ERC2: variants seen among roughly 807,000 people sequenced by gnomAD.
ERC2 encodes the protein ELKS/RAB6-interacting/CAST family member 2, also known as ERC protein 2.
ERC2 carries 42 observed loss-of-function variants against 114.8 expected under a neutral mutation model. The observed-to-expected ratio is 0.37, with a 90% CI of 0.29 to 0.47. ERC2 has a LOEUF of 0.47. Ranked by LOEUF, ERC2 falls within the 20% of genes least tolerant of loss-of-function variation. The pLI is 0.99. For missense variants in ERC2, 939 were observed against 1,150.7 expected, an observed-to-expected ratio of 0.82 and a Z score of 2.66; for synonymous variants, 454 against 425.5, an observed-to-expected ratio of 1.07 and a Z score of -0.82.
chr3:56,133,220 T>C (rs1285976661), intron 6 of ERC2, among the ~76,000 whole-genome samples: 2 of 152,172 alleles, frequency 1.3e-5, no homozygotes, highest in African/African-American at 4.8e-5. Context: ...GGCAAATTGC[T>C]TCAGCCCAGG....
At chr3:55,727,634 G>C (rs2065002572) in intron 15 of ERC2, among the ~76,000 whole-genome samples, 1 of 152,068 alleles carries the variant, frequency 6.6e-6, no homozygotes, top group Non-Finnish European at 1.5e-5. Context: ...TAGCTTTATT[G>C]ACAGATGTTT....
chr3:55,853,047 G>T (rs75294356), intron 14 of ERC2, among the ~76,000 whole-genome samples: 1 of 152,138 alleles, frequency 6.6e-6, no homozygotes, highest in East Asian at 1.9e-4. Flanking sequence ...AACGAAAAAT[G>T]TCTCCAGTTG....
chr3:56,032,949 A>AAC (rs1395655653), intron 7 of ERC2, among the ~76,000 whole-genome samples: 954 of 75,906 alleles, frequency 0.013, 22 homozygotes, highest in African/African-American at 0.016. Flanking sequence ...GAAAGAAAGA[A>AAC]AGAAAGAAAC....
intron 14 of ERC2, among the ~76,000 whole-genome samples, chr3:55,781,656 G>T (rs988792695): frequency 1.7e-4 from 26 of 151,896 alleles, no homozygotes; most frequent in African/African-American, 5.1e-4. Flanking sequence ...TGGATCACCT[G>T]AGGTCAGGAG....
intron 1 of ERC2, chr3:56,467,187 C>G (rs569509085): frequency 5.3e-5 from 8 of 152,336 alleles, no homozygotes; most frequent in African/African-American, 1.9e-4. Context: ...AAGAGCCAAC[C>G]AGGAAACTAA....
chr3:55,898,177 GAC>G (rs1046360965), intron 13 of ERC2, among the ~76,000 whole-genome samples: 35 of 152,148 alleles, frequency 2.3e-4, no homozygotes, highest in Non-Finnish European at 4.4e-4. Flanking sequence ...ACAAATGAAT[GAC>G]ACTTTCTCCA....
intron 7 of ERC2, among the ~76,000 whole-genome samples, chr3:56,026,436 G>C (rs2074056965): frequency 6.6e-6 from 1 of 152,124 alleles, no homozygotes; most frequent in South Asian, 2.1e-4. Context: ...CTGCTTTAAT[G>C]AGATGACTAT....
At chr3:56,381,930 C>T (rs2059768011) in intron 2 of ERC2, among the ~76,000 whole-genome samples, 1 of 152,106 alleles carries the variant, frequency 6.6e-6, no homozygotes, top group African/African-American at 2.4e-5. Flanking sequence ...CCCTCAACCT[C>T]TTCGAAAATG....
intron 2 of ERC2, among the ~76,000 whole-genome samples, chr3:56,345,823 T>A (rs1204574991): frequency 3.3e-5 from 5 of 152,208 alleles, no homozygotes; most frequent in Non-Finnish European, 1.5e-5. Context: ...AACACATGCA[T>A]GCAATCTGTA....
At chr3:55,912,160 C>G (rs1405412488) in intron 13 of ERC2, among the ~76,000 whole-genome samples, 2 of 152,128 alleles carry the variant, frequency 1.3e-5, no homozygotes, top group African/African-American at 4.8e-5. Flanking sequence ...CCAGAACCAG[C>G]ATAGTATGGG....
At chr3:55,991,296 G>A (rs936247625) in intron 11 of ERC2, among the ~76,000 whole-genome samples, 1 of 152,180 alleles carries the variant, frequency 6.6e-6, no homozygotes, top group Non-Finnish European at 1.5e-5. Flanking sequence ...CTGCCTTACT[G>A]CTGAACCAAT....
At chr3:55,856,589 T>C (rs2061796609) in intron 14 of ERC2, among the ~76,000 whole-genome samples, 1 of 152,168 alleles carries the variant, frequency 6.6e-6, no homozygotes, top group African/African-American at 2.4e-5. Context: ...TATATATACA[T>C]ACACATACAA....
intron 17 of ERC2, among the ~76,000 whole-genome samples, chr3:55,569,564 C>T (rs2056583223): frequency 6.6e-6 from 1 of 152,206 alleles, no homozygotes. Flanking sequence ...ATTTTTGGCA[C>T]AACTTGACAA....
chr3:56,046,358 AG>A (rs1162671808), intron 7 of ERC2, among the ~76,000 whole-genome samples: 4 of 152,168 alleles, frequency 2.6e-5, no homozygotes, highest in East Asian at 1.9e-4. Context: ...GGGGGTGAGA[AG>A]GGTTGGCGAG....
intron 13 of ERC2, among the ~76,000 whole-genome samples, chr3:55,944,536 A>G (rs2067009682): frequency 6.6e-6 from 1 of 152,238 alleles, no homozygotes; most frequent in South Asian, 2.1e-4. Flanking sequence ...CTTTAGTGGG[A>G]GGAAAGAAGA....
At chr3:55,699,763 G>C (rs2063125802) in intron 15 of ERC2, among the ~76,000 whole-genome samples, 1 of 152,092 alleles carries the variant, frequency 6.6e-6, no homozygotes, top group Non-Finnish European at 1.5e-5. Context: ...TGATTTAAAA[G>C]GGAAAAAATG....
chr3:55,816,916 C>G (rs1459020766), intron 14 of ERC2, among the ~76,000 whole-genome samples: 2 of 152,170 alleles, frequency 1.3e-5, no homozygotes, highest in African/African-American at 4.8e-5. Context: ...TGCTGTCTGG[C>G]ATGTGCAGCA....
chr3:56,015,761 T>C (rs1381703714), intron 8 of ERC2, among the ~76,000 whole-genome samples: 3 of 152,222 alleles, frequency 2.0e-5, no homozygotes, highest in African/African-American at 7.2e-5. Context: ...TTTGTTGTTC[T>C]AGGTCTTTGA....
At chr3:56,274,830 A>T (rs1330892608) in intron 3 of ERC2, among the ~76,000 whole-genome samples, 1 of 152,254 alleles carries the variant, frequency 6.6e-6, no homozygotes. Context: ...GAGAAAGAAG[A>T]AAAAAGAAAA....
Sources: allele counts gnomAD v4.1 joint callset (sites outside exome capture counted in the v4.1 genomes callset), GRCh38; gene constraint gnomAD v4.1.1; transcripts MANE v1.5; gene names NCBI Gene and HGNC (gene_info 2026-07-23, HGNC 2026-07-21).